Variants in IP6K1 observed in about 807,000 individuals in gnomAD.
IP6K1 encodes the protein inositol hexakisphosphate kinase 1.
Under a neutral mutation model 38.3 loss-of-function variants are expected in IP6K1, and 13 were observed. The ratio of observed to expected loss-of-function variants is 0.34; its 90% confidence interval spans 0.22 to 0.54. IP6K1 has a LOEUF of 0.54. Ranked by LOEUF, IP6K1 falls within the 20% of genes least tolerant of loss-of-function variation. The pLI, the probability that IP6K1 is intolerant of heterozygous loss-of-function variation, is 0.92. For synonymous variants in IP6K1, 212 were observed against 229.9 expected (o/e 0.92, Z 0.70); for missense variants, 397 against 599.8 (o/e 0.66, Z 3.53).
At chr3:49,776,509 T>G (rs1386425402) in intron 1 of IP6K1, among the ~76,000 whole-genome samples, 1 of 147,302 alleles carries the variant, frequency 6.8e-6, no homozygotes, top group Non-Finnish European at 1.5e-5. Context: ...AGGGCAAGAC[T>G]CAGTCTCAGT....
intron 1 of IP6K1, among the ~76,000 whole-genome samples, chr3:49,765,371 G>C (rs2080902045): frequency 6.6e-6 from 1 of 151,942 alleles, no homozygotes; most frequent in Non-Finnish European, 1.5e-5. Flanking sequence ...GCAGGGCGTG[G>C]TGGCTCACGC....
intron 1 of IP6K1, among the ~76,000 whole-genome samples, chr3:49,766,673 A>C (rs979299811): frequency 6.6e-6 from 1 of 150,632 alleles, no homozygotes; most frequent in Non-Finnish European, 1.5e-5. Flanking sequence ...TAAAAAAAAA[A>C]AAGAAAGAAA....
chr3:49,758,483 C>T (rs1411359211), intron 1 of IP6K1: 1 of 152,076 alleles, frequency 6.6e-6, no homozygotes, highest in African/African-American at 2.4e-5. Flanking sequence ...TACCACAGCA[C>T]GTCTGCAGTT....
chr3:49,754,761 C>CA (rs1284874124), intron 1 of IP6K1, among the ~76,000 whole-genome samples: 1 of 152,116 alleles, frequency 6.6e-6, no homozygotes, highest in African/African-American at 2.4e-5. Flanking sequence ...ACAGCAATTG[C>CA]AAGACAATAC....
At chr3:49,752,926 A>G (rs1432671497) in intron 1 of IP6K1, among the ~76,000 whole-genome samples, 1 of 150,894 alleles carries the variant, frequency 6.6e-6, no homozygotes, top group Non-Finnish European at 1.5e-5. Context: ...AGCTAATTTT[A>G]TTTTTGTATT....
chr3:49,739,601 T>C (rs1018046717), intron 2 of IP6K1, among the ~76,000 whole-genome samples: 2 of 151,908 alleles, frequency 1.3e-5, no homozygotes, highest in African/African-American at 4.8e-5. Context: ...GATCCACCCG[T>C]CTCGGCCTCC....
intron 4 of IP6K1, among the ~76,000 whole-genome samples, chr3:49,729,267 A>C (rs1456373793): frequency 6.6e-6 from 1 of 152,134 alleles, no homozygotes; most frequent in African/African-American, 2.4e-5. Context: ...TTATGTTGTA[A>C]GCATGTATCA....
At position 49,784,359 on chromosome 3, in the gene IP6K1, G is replaced by A. The variant is rs563626208; in HGVS notation, c.-129+1995C>T. On this transcript the variant is annotated intron_variant, in intron 1 of 5. Transcript: ENST00000321599. ...GATAGAAGTGCACAAAGTAGGCTAG[G>A]CGCGTGACCAGGCACAGTGGCTCAC... Among the ~76,000 whole-genome samples, 93 of 152,164 alleles carry A rather than the reference G, an allele frequency of 6.1e-4. 3 individuals are homozygous for A. The South Asian group carries it at 0.019, about 31-fold the overall frequency.
chr3:49,759,314 G>GTA (rs2080849421), intron 1 of IP6K1, among the ~76,000 whole-genome samples: 1 of 152,154 alleles, frequency 6.6e-6, no homozygotes, highest in Admixed American at 6.6e-5. Flanking sequence ...AGACACAGAT[G>GTA]TATTCAGCTG....
At chr3:49,739,739 G>A (rs1043028057) in intron 2 of IP6K1, among the ~76,000 whole-genome samples, 1 of 151,888 alleles carries the variant, frequency 6.6e-6, no homozygotes, top group Non-Finnish European at 1.5e-5. Context: ...CTACAACCTC[G>A]AACTCCTGGA....
At chr3:49,729,824 G>A (rs1342455422) in intron 4 of IP6K1, among the ~76,000 whole-genome samples, 1 of 151,952 alleles carries the variant, frequency 6.6e-6, no homozygotes, top group Non-Finnish European at 1.5e-5. Flanking sequence ...CTGACCACCT[G>A]GGCTCAAAAG....
intron 1 of IP6K1, among the ~76,000 whole-genome samples, chr3:49,782,083 C>A (rs967820852): frequency 2.6e-5 from 4 of 151,222 alleles, no homozygotes; most frequent in Non-Finnish European, 5.9e-5. Flanking sequence ...CAGAGTAAGA[C>A]CTGTCTCAAA....
Position 49,727,045 on chromosome 3 carries a change from T to A in IP6K1, c.*77A>T. On this transcript the variant is annotated 3_prime_UTR_variant, in exon 6 of 6. Coordinates refer to ENST00000321599, the MANE Select transcript of IP6K1 (RefSeq NM_153273.4). This position sits in a 1 kb window ranked among gnomAD's most constrained non-coding sequence, Gnocchi z 5.9. ...ATAACCCTTTAAAAGCAAGTCTGTG[T>A]GTCCTCACGGCAAGTTCAGAACAAT... The A allele has an allele frequency of 1.4e-6, 2 of 1,381,054 alleles. No individual in the cohort carries two copies. The highest frequency in any genetic ancestry group is 2.0e-6 in the Non-Finnish European group (2 of 1,011,806). 85.5% of individuals were successfully genotyped at this position (1,381,054 alleles called of 1,614,324 possible). A position where few individuals can be genotyped will look rare whatever the true frequency, so the allele number is the denominator to read the frequency against.
chr3:49,739,385 G>A (rs189267161), intron 2 of IP6K1, among the ~76,000 whole-genome samples: 2,695 of 140,594 alleles, frequency 0.019, 35 homozygotes, highest in Non-Finnish European at 0.032. Flanking sequence ...ACAGAGTCTC[G>A]CTCTGTCGCC....
chr3:49,726,764 A>C lies in IP6K1; in HGVS notation c.*358T>G. 1 of 345,510 alleles carries C rather than the reference A, an allele frequency of 2.9e-6. No homozygotes were observed. The allele number at this position is 345,510 out of a possible 1,614,324, so 21.4% of individuals were successfully genotyped here. On this transcript the variant is annotated 3_prime_UTR_variant, in exon 6 of 6. Coordinates refer to ENST00000321599, the MANE Select transcript of IP6K1 (RefSeq NM_153273.4). Reference sequence around the variant, plus strand: ...CTGCACCAGCCCAGGGCTTTACCTTACAATCAGCAGGGCCCTGCAGCCACA... The same window carrying C: ...CTGCACCAGCCCAGGGCTTTACCTTCCAATCAGCAGGGCCCTGCAGCCACA...
chr3:49,738,468 A>C lies in IP6K1; in HGVS notation c.224-46T>G, dbSNP rs535015856. 7 of 1,463,872 alleles carry C rather than the reference A, an allele frequency of 4.8e-6. No homozygotes were observed. The East Asian group carries it at 1.6e-4, about 33-fold the overall frequency. The allele number at this position is 1,463,872 out of a possible 1,614,324, so 90.7% of individuals were successfully genotyped here. On this transcript the variant is annotated intron_variant, in intron 2 of 5. Transcript: ENST00000321599. ...GGTAAACAAATGTCAACACAGGCCG[A>C]GTCTATGCAGCACAGACTGTTGGCA... is the stretch of plus-strand genomic sequence containing the variant.
At position 49,747,989 on chromosome 3, in the gene IP6K1, G is replaced by A. The variant is rs370834861; in HGVS notation, c.52C>T (p.Arg18Trp). Residue 18 changes from arginine to tryptophan, a missense_variant, in exon 2 of 6, where the codon CGG becomes TGG. Around this residue, in one of 3 missense-constraint regions of IP6K1, gnomAD observed 171 missense variants for 237.0 expected, o/e 0.72. Transcript: ENST00000321599. ...EVGQYGKNAS[R>W]AGDRGVLLEP... ...AGGAGGACTCCCCGGTCTCCAGCCC[G>A]ACTTGCATTCTTGCCATACTGCCCC... The A allele has an allele frequency of 6.2e-6, 10 of 1,613,846 alleles. No individual in the cohort carries two copies. The East Asian group carries it at 6.7e-5, about 11-fold the overall frequency.
At chr3:49,737,496 G>C (rs1022467570) in intron 3 of IP6K1, among the ~76,000 whole-genome samples, 5 of 152,132 alleles carry the variant, frequency 3.3e-5, no homozygotes, top group African/African-American at 1.2e-4. Flanking sequence ...GACCAGCCTA[G>C]CCAACATGGT....
intron 4 of IP6K1, among the ~76,000 whole-genome samples, chr3:49,728,984 C>T (rs949019216): frequency 3.4e-5 from 5 of 148,054 alleles, no homozygotes; most frequent in African/African-American, 7.4e-5. Context: ...GATGGAGTCT[C>T]GTTCTGTCAC....
Sources: allele counts gnomAD v4.1 joint callset (sites outside exome capture counted in the v4.1 genomes callset), GRCh38; gene constraint gnomAD v4.1.1; regional missense constraint gnomAD v4.1.1; non-coding constraint Gnocchi (gnomAD v3.1); transcripts MANE v1.5; gene names NCBI Gene and HGNC (gene_info 2026-07-23, HGNC 2026-07-21).